Variants in SLX4IP observed in about 807,000 individuals in gnomAD.
SLX4IP encodes the protein protein SLX4IP.
Under a neutral mutation model 32.9 loss-of-function variants are expected in SLX4IP, and 34 were observed. The ratio of observed to expected loss-of-function variants is 1.03; its 90% CI spans 0.79 to 1.38. The LOEUF (loss-of-function observed/expected upper bound fraction) is 1.38, where lower values mean the gene tolerates loss of function less well. Among genes scored for constraint, SLX4IP ranks in the 40% most tolerant of loss-of-function variants. SLX4IP has a pLI of 0.00. For missense variants in SLX4IP, 444 were observed against 479.0 expected (o/e 0.93, Z 0.68); for synonymous variants, 172 against 171.7 (o/e 1.00, Z -0.01).
At chr20:10,477,214 TC>T (rs2065482690) in intron 2 of SLX4IP, among the ~76,000 whole-genome samples, 1 of 152,128 alleles carries the variant, frequency 6.6e-6, no homozygotes, top group East Asian at 1.9e-4. Context: ...TGGCATGATT[TC>T]GGCTCACTGC....
chr20:10,501,139 T>C (rs866057508), intron 2 of SLX4IP, among the ~76,000 whole-genome samples: 17 of 152,344 alleles, frequency 1.1e-4, no homozygotes, highest in African/African-American at 3.8e-4. Flanking sequence ...TTTAGCCATA[T>C]GTACTTACAA....
intron 4 of SLX4IP, among the ~76,000 whole-genome samples, chr20:10,577,039 A>G (rs771646691): frequency 6.6e-6 from 1 of 152,182 alleles, no homozygotes; most frequent in African/African-American, 2.4e-5. Flanking sequence ...TCTGCGGGGA[A>G]GAAATTCTCA....
chr20:10,602,031 G>C (rs2066847919), intron 6 of SLX4IP, among the ~76,000 whole-genome samples: 1 of 152,172 alleles, frequency 6.6e-6, no homozygotes, highest in Non-Finnish European at 1.5e-5. Context: ...TTAATCAGCA[G>C]TACCTTTTCC....
rs1226845372 is a variant in SLX4IP, at chr20:10,625,553, T to G, written c.*2174T>G. On this transcript the variant is annotated 3_prime_UTR_variant, in exon 8 of 8. Coordinates refer to ENST00000334534, the MANE Select transcript of SLX4IP (RefSeq NM_001009608.3). Reference sequence around the variant, plus strand: ...ACTCTGGTATTGAGAAATTTTTATTTCATTAGCTAACCTGGGCTTGGTGGT... The same window carrying G: ...ACTCTGGTATTGAGAAATTTTTATTGCATTAGCTAACCTGGGCTTGGTGGT... The G allele has an allele frequency of 2.0e-5, 3 of 152,244 alleles. No individual in the cohort carries two copies. Among genetic ancestry groups the G allele is most frequent in the East Asian group, 3.8e-4 (2 of 5,204 alleles). The allele number at this position is 152,244 out of a possible 1,614,324, so 9.4% of individuals were successfully genotyped here. A position where few individuals can be genotyped will look rare whatever the true frequency, so the allele number is the denominator to read the frequency against.
intron 4 of SLX4IP, among the ~76,000 whole-genome samples, chr20:10,592,148 G>T (rs1003251392): frequency 3.3e-5 from 5 of 152,172 alleles, no homozygotes; most frequent in Admixed American, 6.6e-5. Flanking sequence ...GACATGAAAT[G>T]TTATCTCAAG....
chr20:10,455,057 CTA>C (rs1226965480), intron 1 of SLX4IP, among the ~76,000 whole-genome samples: 1 of 152,104 alleles, frequency 6.6e-6, no homozygotes, highest in African/African-American at 2.4e-5. Context: ...GAAGGAATGT[CTA>C]TTCAAATTCT....
At chr20:10,509,729 C>G (rs1247217897) in intron 2 of SLX4IP, among the ~76,000 whole-genome samples, 1 of 151,380 alleles carries the variant, frequency 6.6e-6, no homozygotes, top group Non-Finnish European at 1.5e-5. Context: ...CAGAGTCTCA[C>G]TTTCTTGCCC....
intron 5 of SLX4IP, among the ~76,000 whole-genome samples, chr20:10,599,183 C>G (rs953655067): frequency 2.6e-5 from 4 of 152,088 alleles, no homozygotes; most frequent in Admixed American, 2.0e-4. Context: ...TAGATGTCCA[C>G]TAAGGATATG....
chr20:10,455,592 T>TTTATTTAA (rs2065278309), intron 1 of SLX4IP, among the ~76,000 whole-genome samples: 1 of 39,390 alleles, frequency 2.5e-5, no homozygotes, highest in African/African-American at 5.6e-5. Flanking sequence ...TATTTATTTA[T>TTTATTTAA]TTATTTATTT....
At chr20:10,528,270 A>T (rs1475834288) in intron 2 of SLX4IP, among the ~76,000 whole-genome samples, 1 of 152,254 alleles carries the variant, frequency 6.6e-6, no homozygotes, top group Non-Finnish European at 1.5e-5. Context: ...TCAAAGCAAT[A>T]GGAAAAAACA....
intron 2 of SLX4IP, among the ~76,000 whole-genome samples, chr20:10,526,610 T>C (rs1037665274): frequency 3.3e-5 from 5 of 152,164 alleles, no homozygotes; most frequent in African/African-American, 1.2e-4. Context: ...CCAAGTGGTT[T>C]AAAACAACAG....
intron 2 of SLX4IP, 57 bp from the exon 3 acceptor site, chr20:10,556,174 C>A: frequency 6.7e-7 from 1 of 1,497,598 alleles, no homozygotes; most frequent in South Asian, 1.2e-5. Context: ...GATTTTCTCT[C>A]ATTGTTTGCT....
chr20:10,465,340 C>G (rs2065371532), intron 2 of SLX4IP, among the ~76,000 whole-genome samples: 1 of 152,124 alleles, frequency 6.6e-6, no homozygotes, highest in African/African-American at 2.4e-5. Flanking sequence ...CGGAATCCAG[C>G]CACTCCCACT....
intron 2 of SLX4IP, among the ~76,000 whole-genome samples, chr20:10,461,497 C>T (rs1310009597): frequency 6.6e-6 from 1 of 152,238 alleles, no homozygotes; most frequent in Non-Finnish European, 1.5e-5. Flanking sequence ...ATTTCTGCCT[C>T]TGACAGGCTA....
chr20:10,483,538 G>T (rs1040794949), intron 2 of SLX4IP, among the ~76,000 whole-genome samples: 2 of 152,092 alleles, frequency 1.3e-5, no homozygotes, highest in Non-Finnish European at 2.9e-5. Flanking sequence ...ATACATAAAT[G>T]AAGAATTCCT....
chr20:10,556,346 A>C (rs2122496884), intron 3 of SLX4IP, 26 bp downstream of exon 3: 1 of 1,590,366 alleles, frequency 6.3e-7, no homozygotes, highest in Non-Finnish European at 8.6e-7. Flanking sequence ...CTACTATTTA[A>C]TTGCAAGTAG....
At chr20:10,620,014 A>G (rs766788203) in intron 6 of SLX4IP, among the ~76,000 whole-genome samples, 21 of 152,200 alleles carry the variant, frequency 1.4e-4, no homozygotes, top group Non-Finnish European at 2.1e-4. Flanking sequence ...TGAAGAGCCC[A>G]TCCTCAGTGG....
rs746003450 is a variant in SLX4IP at position 10,623,427 on chromosome 20, C to T, written c.*48C>T. ...GGAGTTGAGGACATAGTGGCCAAAC[C>T]TGTGACAAGAGAGCTGCGAATATAG... On this transcript the variant is annotated 3_prime_UTR_variant, in exon 8 of 8. Transcript: ENST00000334534. The T allele has an allele frequency of 1.3e-6, 2 of 1,546,296 alleles. No homozygotes were observed. The highest frequency in any genetic ancestry group is 1.3e-5 in the South Asian group (1 of 79,406).
intron 4 of SLX4IP, among the ~76,000 whole-genome samples, chr20:10,582,713 A>AG (rs2066599617): frequency 6.6e-6 from 1 of 152,234 alleles, no homozygotes; most frequent in Admixed American, 6.5e-5. Context: ...ATCACCTATT[A>AG]GATCATTTTT....
Sources: gnomAD v4.1 joint callset for allele counts (sites outside exome capture counted in the v4.1 genomes callset) on GRCh38, gnomAD v4.1.1 for gene constraint, MANE v1.5 for transcripts, NCBI Gene and HGNC (gene_info 2026-07-23, HGNC 2026-07-21) for gene names.